Variants in GPATCH2 observed in about 807,000 individuals in gnomAD.
GPATCH2 encodes G patch domain-containing protein 2.
In GPATCH2, 51 loss-of-function variants were observed where a neutral mutation model predicts 58.0. That is an observed-to-expected ratio of 0.88 (90% CI 0.70 to 1.11). GPATCH2 has a LOEUF of 1.11. Among genes scored for constraint, GPATCH2 ranks in the 50% most tolerant of loss-of-function variants. The pLI is 0.00. For missense variants in GPATCH2, 625 were observed against 652.2 expected (o/e 0.96, Z 0.45); for synonymous variants, 222 against 218.5 (o/e 1.02, Z -0.14).
intron 5 of GPATCH2, among the ~76,000 whole-genome samples, chr1:217,581,150 C>T (rs1667063431): frequency 6.6e-6 from 1 of 151,628 alleles, no homozygotes; most frequent in Non-Finnish European, 1.5e-5. Context: ...TAAGCATCTC[C>T]GCTCTACACT....
intron 8 of GPATCH2, among the ~76,000 whole-genome samples, chr1:217,465,922 C>G (rs1163640677): frequency 6.6e-6 from 1 of 152,140 alleles, no homozygotes; most frequent in African/African-American, 2.4e-5. Flanking sequence ...AGCATCTAGG[C>G]AAAACCAAGT....
rs1658507736 is a variant in GPATCH2, at chr1:217,431,009, T to C, written c.*136A>G. The C allele has an allele frequency of 3.0e-6, 2 of 668,256 alleles. No individual in the cohort carries two copies. Among genetic ancestry groups the C allele is most frequent in the African/African-American group, 1.8e-5 (1 of 55,922 alleles). The allele number at this position is 668,256 out of a possible 1,614,324, so 41.4% of individuals were successfully genotyped here. ...CCCATTTCTCTCACTATGGCAGGACTGTATGCAGTAAGGAAGCTAGAGTGA... is the reference window on the plus strand; with the variant it reads ...CCCATTTCTCTCACTATGGCAGGACCGTATGCAGTAAGGAAGCTAGAGTGA... On this transcript the variant is annotated 3_prime_UTR_variant, in exon 10 of 10. Coordinates refer to ENST00000366935, the MANE Select transcript of GPATCH2 (RefSeq NM_018040.5).
chr1:217,469,903 AT>A (rs1054115466), intron 8 of GPATCH2, among the ~76,000 whole-genome samples: 5 of 152,214 alleles, frequency 3.3e-5, no homozygotes, highest in Admixed American at 2.0e-4. Context: ...GATTTAAAAT[AT>A]TAATTTCTAC....
intron 7 of GPATCH2, chr1:217,495,013 A>T: frequency 3.1e-6 from 1 of 324,010 alleles, no homozygotes; most frequent in Non-Finnish European, 4.4e-6. Context: ...AGTGCTTCTT[A>T]CCTTCCAACT....
At chr1:217,619,030 A>G (rs1322472918) in intron 2 of GPATCH2, among the ~76,000 whole-genome samples, 1 of 152,046 alleles carries the variant, frequency 6.6e-6, no homozygotes, top group Non-Finnish European at 1.5e-5. Context: ...CCATATTTAC[A>G]GACTGTTTTT....
chr1:217,566,482 A>G (rs912073418), intron 5 of GPATCH2, among the ~76,000 whole-genome samples: 3 of 152,184 alleles, frequency 2.0e-5, no homozygotes, highest in African/African-American at 7.2e-5. Context: ...CACAAATATG[A>G]CAGGCACAGC....
intron 3 of GPATCH2, among the ~76,000 whole-genome samples, chr1:217,613,255 A>G (rs1668720319): frequency 6.6e-6 from 1 of 152,146 alleles, no homozygotes; most frequent in Non-Finnish European, 1.5e-5. Flanking sequence ...CAAGCAGGCA[A>G]AAAAGAATGA....
intron 8 of GPATCH2, among the ~76,000 whole-genome samples, chr1:217,490,373 G>T (rs1661660330): frequency 6.6e-6 from 1 of 152,140 alleles, no homozygotes; most frequent in Non-Finnish European, 1.5e-5. Context: ...GTTATTCACT[G>T]TGCTTTTTGT....
At chr1:217,565,821 G>T (rs1490082789) in intron 5 of GPATCH2, among the ~76,000 whole-genome samples, 1 of 152,088 alleles carries the variant, frequency 6.6e-6, no homozygotes, top group Non-Finnish European at 1.5e-5. Context: ...AGATCTCTAG[G>T]CCAGGCGCAG....
chr1:217,498,259 AT>A (rs1211036895), intron 7 of GPATCH2, 96 bp downstream of exon 7: 12 of 943,024 alleles, frequency 1.3e-5, no homozygotes, highest in Admixed American at 1.7e-5. Context: ...GGGGATTTGT[AT>A]TTTTTCTCAT....
Position 217,523,537 on chromosome 1 carries a change from G to C in GPATCH2, c.1099-8648C>G, listed in dbSNP as rs559905217. On this transcript the variant is annotated intron_variant, in intron 5 of 9. Coordinates refer to ENST00000366935, the MANE Select transcript of GPATCH2 (RefSeq NM_018040.5). ...TCCCAAGGCAGAAGAATTTTTCTTA[G>C]TACAGAACAAAATGAAAAGTCTCCC... 2.1e-4 allele frequency among the ~76,000 whole-genome samples: 32 copies of C among 151,762 alleles called. No homozygotes were observed. In the South Asian group the frequency reaches 6.4e-3, roughly 30 times the overall value.
chr1:217,620,261 G>A lies in GPATCH2; in HGVS notation c.295C>T (p.Pro99Ser). 1 of 1,613,652 alleles carries A rather than the reference G, an allele frequency of 6.2e-7. No homozygotes were observed. ...TGATTCTCTCTATAGTCCTTGCTTGGTTCTTCTAAACTAGAATCAGAGCCT... is the reference window on the plus strand; with the variant it reads ...TGATTCTCTCTATAGTCCTTGCTTGATTCTTCTAAACTAGAATCAGAGCCT... ...SEGSDSSLEE[P>S]SKDYRENHNN... Residue 99 changes from proline to serine, a missense_variant, in exon 2 of 10, where the codon CCA becomes TCA. By Grantham distance (74) the Pro-to-Ser change is moderately conservative (BLOSUM62 -1). Coordinates refer to ENST00000366935, the MANE Select transcript of GPATCH2 (RefSeq NM_018040.5).
At chr1:217,444,429 T>C (rs1314913330) in intron 9 of GPATCH2, among the ~76,000 whole-genome samples, 2 of 152,220 alleles carry the variant, frequency 1.3e-5, no homozygotes, top group Non-Finnish European at 2.9e-5. Context: ...CTCAGCTATC[T>C]TTGTAAAAAG....
At chr1:217,490,035 A>T (rs1041786627) in intron 8 of GPATCH2, among the ~76,000 whole-genome samples, 1 of 152,150 alleles carries the variant, frequency 6.6e-6, no homozygotes, top group Non-Finnish European at 1.5e-5. Flanking sequence ...CTTCCTTGGG[A>T]CTTTTATGAA....
Position 217,519,689 on chromosome 1 carries a change from T to C in GPATCH2, c.1099-4800A>G, listed in dbSNP as rs1663351010. 2.0e-5 allele frequency among the ~76,000 whole-genome samples: 3 copies of C among 152,316 alleles called. No homozygotes were observed. In the South Asian group the frequency reaches 6.2e-4, roughly 32 times the overall value. ...AAGTAAAATGAAAATTAATGAGATA[T>C]GCATGCAAGGCTTTCCCTAAGCTGA... is the stretch of plus-strand genomic sequence containing the variant. On this transcript the variant is annotated intron_variant, in intron 5 of 9. Coordinates refer to ENST00000366935, the MANE Select transcript of GPATCH2 (RefSeq NM_018040.5).
At chr1:217,520,504 A>T (rs114550752) in intron 5 of GPATCH2, among the ~76,000 whole-genome samples, 4,001 of 152,294 alleles carry the variant, frequency 0.026, 75 homozygotes, top group East Asian at 0.075. Flanking sequence ...TCTTATTAGC[A>T]GAGCTCACAC....
intron 8 of GPATCH2, among the ~76,000 whole-genome samples, chr1:217,490,246 A>C (rs570500301): frequency 1.2e-4 from 19 of 152,274 alleles, no homozygotes; most frequent in African/African-American, 4.6e-4. Flanking sequence ...CTGATATATC[A>C]TTGTCATTCC....
chr1:217,437,236 G>A (rs947927577), intron 9 of GPATCH2, among the ~76,000 whole-genome samples: 9 of 152,124 alleles, frequency 5.9e-5, no homozygotes, highest in African/African-American at 1.4e-4. Flanking sequence ...TTCACAACCC[G>A]CAGACCATGA....
chr1:217,597,359 C>A (rs1054931982), intron 5 of GPATCH2, among the ~76,000 whole-genome samples: 2 of 148,800 alleles, frequency 1.3e-5, no homozygotes, highest in Non-Finnish European at 1.5e-5. Context: ...AAAAAAAAAA[C>A]GGCAAAATCA....
Sources: allele counts gnomAD v4.1 joint callset (sites outside exome capture counted in the v4.1 genomes callset), GRCh38; gene constraint gnomAD v4.1.1; transcripts MANE v1.5; gene names NCBI Gene and HGNC (gene_info 2026-07-23, HGNC 2026-07-21).